Variants in FGF12 observed in about 807,000 individuals in gnomAD.
The protein encoded by FGF12 is fibroblast growth factor 12.
In FGF12, 14 loss-of-function variants were observed where a neutral mutation model predicts 23.6. The observed-to-expected ratio is 0.59, with a 90% confidence interval of 0.39 to 0.93. The LOEUF (loss-of-function observed/expected upper bound fraction) is 0.93. Ranked by LOEUF, FGF12 falls within the 40% of genes least tolerant of loss-of-function variation. FGF12 has a pLI of 0.00. For missense variants in FGF12, 175 were observed against 217.8 expected (o/e 0.80, Z 1.24); for synonymous variants, 62 against 77.3 (o/e 0.80, Z 1.04).
intron 5 of FGF12, among the ~76,000 whole-genome samples, chr3:192,146,197 T>C (rs1193947174): frequency 6.6e-6 from 1 of 152,120 alleles, no homozygotes; most frequent in East Asian, 1.9e-4. Flanking sequence ...AAATAATATA[T>C]TTTGACCTGC....
intron 2 of FGF12, among the ~76,000 whole-genome samples, chr3:192,503,771 A>T (rs934258420): frequency 6.6e-6 from 1 of 151,848 alleles, no homozygotes; most frequent in Non-Finnish European, 1.5e-5. Flanking sequence ...ACGCCCGGCT[A>T]AATTTTTTGT....
chr3:192,529,998 C>A (rs1725047189), intron 2 of FGF12, among the ~76,000 whole-genome samples: 1 of 151,764 alleles, frequency 6.6e-6, no homozygotes, highest in Admixed American at 6.6e-5. Flanking sequence ...ATGTCCATCA[C>A]CTGAGGATAA....
At chr3:192,220,807 G>C (rs1250332247) in intron 4 of FGF12, among the ~76,000 whole-genome samples, 1 of 152,124 alleles carries the variant, frequency 6.6e-6, no homozygotes, top group Non-Finnish European at 1.5e-5. Flanking sequence ...TTTCTTTGAA[G>C]GATTTTTGAA....
chr3:192,633,799 T>C (rs1715483610), intron 2 of FGF12, among the ~76,000 whole-genome samples: 1 of 152,210 alleles, frequency 6.6e-6, no homozygotes, highest in Admixed American at 6.5e-5. Context: ...TTGTTGCTCA[T>C]GATACCCGAA....
chr3:192,655,904 C>T (rs191032212), intron 2 of FGF12, among the ~76,000 whole-genome samples: 18 of 151,646 alleles, frequency 1.2e-4, no homozygotes, highest in African/African-American at 2.9e-4. Flanking sequence ...GATTTTAGAG[C>T]GAAAGGTCAG....
chr3:192,350,492 A>G (rs1577378273), intron 3 of FGF12, among the ~76,000 whole-genome samples: 2 of 152,210 alleles, frequency 1.3e-5, no homozygotes, highest in African/African-American at 4.8e-5. Flanking sequence ...AATATTGAGG[A>G]TAGGGACTGA....
intron 2 of FGF12, among the ~76,000 whole-genome samples, chr3:192,487,487 A>C (rs1385270607): frequency 6.6e-6 from 1 of 152,088 alleles, no homozygotes; most frequent in Non-Finnish European, 1.5e-5. Flanking sequence ...CCATTATCCC[A>C]GGTCTCAAGC....
intron 2 of FGF12, among the ~76,000 whole-genome samples, chr3:192,426,886 T>C (rs2108787553): frequency 6.6e-6 from 1 of 152,320 alleles, no homozygotes; most frequent in Non-Finnish European, 1.5e-5. Context: ...GAAACGTAGG[T>C]TAATTACTAA....
In FGF12 at chr3:192,514,003, T is replaced by G. The variant is rs930052312; in HGVS notation, c.14-153465A>C. ...CTTATTTGATATTAGTTTGGTGGGG[T>G]TTTTTTCATTCAATTTTTAATGGCC... is the stretch of plus-strand genomic sequence containing the variant. On this transcript the variant is annotated intron_variant, in intron 2 of 5. Transcript: ENST00000445105. This position sits in a 1 kb window ranked among gnomAD's most constrained non-coding sequence, Gnocchi z 4.9. Among the ~76,000 whole-genome samples, 4 of 152,110 alleles carry G rather than the reference T, an allele frequency of 2.6e-5. No individual in the cohort carries two copies. The highest frequency in any genetic ancestry group is 4.1e-4 in the South Asian group (2 of 4,824).
At chr3:192,593,439 A>T (rs1476726463) in intron 2 of FGF12, among the ~76,000 whole-genome samples, 1 of 151,742 alleles carries the variant, frequency 6.6e-6, no homozygotes, top group Non-Finnish European at 1.5e-5. Flanking sequence ...CTATTTGTTT[A>T]TTTGCTGATA....
intron 2 of FGF12, among the ~76,000 whole-genome samples, chr3:192,718,431 T>C (rs1718933391): frequency 6.6e-6 from 1 of 152,154 alleles, no homozygotes; most frequent in Non-Finnish European, 1.5e-5. Context: ...GTATCCACTG[T>C]AGTTCCTATA....
intron 2 of FGF12, among the ~76,000 whole-genome samples, chr3:192,606,507 C>CA (rs1250523445): frequency 3.3e-5 from 5 of 152,044 alleles, no homozygotes; most frequent in Admixed American, 1.3e-4. Flanking sequence ...CCTGCACATG[C>CA]ACCCCCTGCA....
intron 2 of FGF12, among the ~76,000 whole-genome samples, chr3:192,448,820 C>T (rs9872335): frequency 0.13 from 19,091 of 152,108 alleles, 3,890 homozygotes; most frequent in African/African-American, 0.43. Flanking sequence ...ATATGCCATA[C>T]AGTTTAGCTT....
chr3:192,500,815 A>G (rs1724111717), intron 2 of FGF12, among the ~76,000 whole-genome samples: 1 of 152,198 alleles, frequency 6.6e-6, no homozygotes, highest in African/African-American at 2.4e-5. Flanking sequence ...ATCCCCATAA[A>G]GTAGGTGCTA....
intron 2 of FGF12, among the ~76,000 whole-genome samples, chr3:192,683,379 A>G (rs1332087788): frequency 6.6e-6 from 1 of 152,216 alleles, no homozygotes; most frequent in East Asian, 1.9e-4. Context: ...AATGGACTCT[A>G]AACACCTTCT....
At chr3:192,401,823 G>A (rs1720773041) in intron 2 of FGF12, among the ~76,000 whole-genome samples, 1 of 152,048 alleles carries the variant, frequency 6.6e-6, no homozygotes, top group Admixed American at 6.6e-5. Flanking sequence ...CAGAAGCACC[G>A]AGCTCCCTCT....
chr3:192,512,399 A>T (rs1724505229), intron 2 of FGF12, among the ~76,000 whole-genome samples: 1 of 152,132 alleles, frequency 6.6e-6, no homozygotes, highest in Admixed American at 6.5e-5. Flanking sequence ...AAAAGGACCT[A>T]AAATATACTA....
chr3:192,707,839 A>G (rs995830266), intron 2 of FGF12, among the ~76,000 whole-genome samples: 1 of 151,710 alleles, frequency 6.6e-6, no homozygotes, highest in African/African-American at 2.4e-5. Context: ...TTCTTCCACC[A>G]AGGTGCAGGA....
chr3:192,471,507 A>G (rs891362186), intron 2 of FGF12, among the ~76,000 whole-genome samples: 17 of 152,242 alleles, frequency 1.1e-4, no homozygotes, highest in Non-Finnish European at 2.2e-4. Context: ...TACTTTTTAG[A>G]AAAGGGAAAA....
Sources: gnomAD v4.1 joint callset for allele counts (sites outside exome capture counted in the v4.1 genomes callset) on GRCh38, gnomAD v4.1.1 for gene constraint, Gnocchi (gnomAD v3.1) non-coding constraint, MANE v1.5 for transcripts, NCBI Gene and HGNC (gene_info 2026-07-23, HGNC 2026-07-21) for gene names.